The following PAX7 variants were observed in gnomAD, a reference collection of about 807,000 sequenced individuals.
The protein encoded by PAX7 is paired box protein Pax-7.
Under a neutral mutation model 50.7 loss-of-function variants are expected in PAX7, and 18 were observed. That is an observed-to-expected ratio of 0.36 (90% CI 0.25 to 0.53). The LOEUF (loss-of-function observed/expected upper bound fraction) is 0.53, where lower values mean the gene tolerates loss of function less well. Among genes scored for constraint, PAX7 ranks in the 20% least tolerant of loss-of-function variants. The pLI is 0.93. For synonymous variants in PAX7, 310 were observed against 290.4 expected (o/e 1.07, Z -0.69); for missense variants, 644 against 702.9 (o/e 0.92, Z 0.95).
intron 4 of PAX7, among the ~76,000 whole-genome samples, chr1:18,660,800 G>A (rs939610099): frequency 2.6e-5 from 4 of 152,258 alleles, no homozygotes; most frequent in East Asian, 1.9e-4. Flanking sequence ...GTGAGCCAGC[G>A]GCTAAAGGGA....
At chr1:18,712,667 G>T (rs964491800) in intron 7 of PAX7, among the ~76,000 whole-genome samples, 2 of 152,180 alleles carry the variant, frequency 1.3e-5, no homozygotes, top group Non-Finnish European at 2.9e-5. Context: ...AAGGAGAAGT[G>T]GGAGAGCAAC....
chr1:18,670,473 G>T (rs1356469117), intron 4 of PAX7, among the ~76,000 whole-genome samples: 1 of 152,100 alleles, frequency 6.6e-6, no homozygotes, highest in African/African-American at 2.4e-5. Flanking sequence ...ACCTGTCTGC[G>T]CCCCTCCCAC....
chr1:18,707,024 A>G (rs1318846903), intron 7 of PAX7, among the ~76,000 whole-genome samples: 1 of 152,216 alleles, frequency 6.6e-6, no homozygotes, highest in Non-Finnish European at 1.5e-5. Flanking sequence ...AGGAAAAGCC[A>G]TTTACTCATC....
intron 4 of PAX7, among the ~76,000 whole-genome samples, chr1:18,664,066 A>T (rs1186847555): frequency 2.6e-5 from 4 of 152,246 alleles, no homozygotes; most frequent in Non-Finnish European, 5.9e-5. Flanking sequence ...TGAAACTCAC[A>T]GCTCTCCCAG....
At chr1:18,666,035 AT>A (rs1285540231) in intron 4 of PAX7, among the ~76,000 whole-genome samples, 2 of 152,126 alleles carry the variant, frequency 1.3e-5, no homozygotes, top group Non-Finnish European at 2.9e-5. Context: ...GAGGCTGGGC[AT>A]TGTGGCTCCA....
chr1:18,734,613 T>C (rs2089688487), intron 7 of PAX7, among the ~76,000 whole-genome samples: 1 of 152,096 alleles, frequency 6.6e-6, no homozygotes, highest in Admixed American at 6.6e-5. Flanking sequence ...TCCCCTAGAT[T>C]TCCCAGACTG....
At chr1:18,640,001 A>C (rs747698865) in intron 4 of PAX7, among the ~76,000 whole-genome samples, 12 of 144,504 alleles carry the variant, frequency 8.3e-5, no homozygotes, top group Non-Finnish European at 1.2e-4. Context: ...GCGGGGGGGA[A>C]ATCCTGGGGG....
In PAX7 at chr1:18,735,326, C is replaced by A. The variant is rs2089696425; in HGVS notation, c.1156-306C>A. 6.6e-6 allele frequency among the ~76,000 whole-genome samples: 1 copy of A among 152,164 alleles called. No individual in the cohort carries two copies. Among genetic ancestry groups the A allele is most frequent in the African/African-American group, 2.4e-5 (1 of 41,422 alleles). On this transcript the variant is annotated intron_variant, in intron 7 of 8. Coordinates refer to ENST00000420770, the MANE Select transcript of PAX7 (RefSeq NM_001135254.2). The surrounding 1 kb of genome is among the most constrained non-coding windows in gnomAD (Gnocchi z 4.0). ...TTCATGCATTTATTCATTCAATAGA[C>A]AGGCCCAGAGTGACCCTTAGGGCCA...
intron 5 of PAX7, among the ~76,000 whole-genome samples, chr1:18,699,661 C>T (rs547504044): frequency 6.6e-6 from 1 of 151,732 alleles, no homozygotes; most frequent in Non-Finnish European, 1.5e-5. Flanking sequence ...CCCGGGTTCA[C>T]GCCATTCTCC....
chr1:18,691,587 A>G (rs1442973046), intron 4 of PAX7, among the ~76,000 whole-genome samples, 167 bp from the exon 5 acceptor site: 1 of 152,212 alleles, frequency 6.6e-6, no homozygotes. Context: ...ATTGATAAAC[A>G]ATGCTAGGGT....
chr1:18,723,357 G>A (rs76128367), intron 7 of PAX7, among the ~76,000 whole-genome samples: 6,216 of 152,304 alleles, frequency 0.041, 160 homozygotes, highest in Non-Finnish European at 0.048. Flanking sequence ...AGTTGGCATC[G>A]TGTCAAGTTG....
intron 4 of PAX7, among the ~76,000 whole-genome samples, chr1:18,671,376 G>T (rs952727113): frequency 3.3e-5 from 5 of 152,330 alleles, no homozygotes; most frequent in Non-Finnish European, 5.9e-5. Context: ...GGAAAGAAAA[G>T]AAATGGTAAA....
At chr1:18,742,534 G>A (rs1208095713) in intron 8 of PAX7, among the ~76,000 whole-genome samples, 19 of 152,154 alleles carry the variant, frequency 1.2e-4, no homozygotes, top group Admixed American at 1.2e-3. Flanking sequence ...TGTGGCCAGG[G>A]CTACAGAGTC....
At chr1:18,712,695 T>C (rs1243691539) in intron 7 of PAX7, among the ~76,000 whole-genome samples, 2 of 152,134 alleles carry the variant, frequency 1.3e-5, no homozygotes, top group East Asian at 1.9e-4. Context: ...TTGCCTCCTT[T>C]CTTAGAGAAC....
Position 18,662,627 on chromosome 1 carries a change from G to A in PAX7, c.586+26256G>A, listed in dbSNP as rs1056381287. Among the ~76,000 whole-genome samples, 23 of 152,338 alleles carry A rather than the reference G, an allele frequency of 1.5e-4. 1 individual carries two copies. The highest frequency in any genetic ancestry group is 5.3e-4 in the African/African-American group (22 of 41,566). ...ACTCTGTCACCCAGGCTGAAGTGCA[G>A]TGGCACAATCTAAGCTCGCTGCAGC... On this transcript the variant is annotated intron_variant, in intron 4 of 8. Transcript: ENST00000420770.
intron 4 of PAX7, among the ~76,000 whole-genome samples, chr1:18,685,900 C>CATCACCATCACT (rs1382345842): frequency 6.6e-6 from 1 of 151,638 alleles, no homozygotes; most frequent in African/African-American, 2.4e-5. Flanking sequence ...ACCTTCCATC[C>CATCACCATCACT]ATCACCATCA....
At chr1:18,718,643 CTTCCT>C (rs1415801663) in intron 7 of PAX7, among the ~76,000 whole-genome samples, 2 of 145,514 alleles carry the variant, frequency 1.4e-5, no homozygotes, top group African/African-American at 5.1e-5. Context: ...CGCCTTGACC[CTTCCT>C]TTTTTTTTTT....
At chr1:18,655,188 C>A (rs1007019532) in intron 4 of PAX7, among the ~76,000 whole-genome samples, 1 of 152,216 alleles carries the variant, frequency 6.6e-6, no homozygotes, top group Admixed American at 6.5e-5. Flanking sequence ...AATGTGACTC[C>A]TTTCCAGGGG....
At chr1:18,717,137 CCAA>C (rs2089435955) in intron 7 of PAX7, among the ~76,000 whole-genome samples, 1 of 152,194 alleles carries the variant, frequency 6.6e-6, no homozygotes, top group South Asian at 2.1e-4. Context: ...AAAGTGATTC[CCAA>C]CAACTGTCTC....
Sources: allele counts gnomAD v4.1 joint callset (sites outside exome capture counted in the v4.1 genomes callset), GRCh38; gene constraint gnomAD v4.1.1; non-coding constraint Gnocchi (gnomAD v3.1); transcripts MANE v1.5; gene names NCBI Gene and HGNC (gene_info 2026-07-23, HGNC 2026-07-21).